The following FGF13 variants were observed in gnomAD, a reference collection of about 807,000 sequenced individuals.
FGF13 encodes fibroblast growth factor 13.
A neutral mutation model predicts 19.5 loss-of-function variants in FGF13; 2 were observed. The ratio of observed to expected loss-of-function variants is 0.10; its 90% CI spans 0.04 to 0.32. FGF13 has a LOEUF of 0.32. Among genes scored for constraint, FGF13 ranks in the 10% least tolerant of loss-of-function variants. The pLI is 1.00. For missense variants in FGF13, 113 were observed against 192.7 expected, an observed-to-expected ratio of 0.59 and a Z score of 2.45; for synonymous variants, 72 against 76.9, an observed-to-expected ratio of 0.94 and a Z score of 0.33.
At chrX:139,031,977 G>C (rs898059226) in intron 1 of FGF13, among the ~76,000 whole-genome samples, 4 of 111,194 alleles carry the variant, frequency 3.6e-5, no homozygotes, top group African/African-American at 6.5e-5. Flanking sequence ...AATAAGAACA[G>C]ACCAGGTGTC....
chrX:139,130,734 T>C (rs2083754150), intron 1 of FGF13, among the ~76,000 whole-genome samples: 1 of 112,198 alleles, frequency 8.9e-6, no homozygotes, highest in Non-Finnish European at 1.9e-5. Flanking sequence ...TTTTCTATTT[T>C]CATAGGGACT....
intron 3 of FGF13, among the ~76,000 whole-genome samples, chrX:138,685,336 T>C (rs1263762817): frequency 9.0e-6 from 1 of 111,320 alleles, no homozygotes; most frequent in African/African-American, 3.3e-5. Flanking sequence ...TATTGTATCT[T>C]GCAAGAAAGC....
At chrX:139,140,146 TG>T (rs765253118) in intron 1 of FGF13, among the ~76,000 whole-genome samples, 76 of 111,582 alleles carry the variant, frequency 6.8e-4, no homozygotes, top group African/African-American at 2.4e-3. Context: ...GTCAAACATC[TG>T]AAATCCAGAC....
rs140373587 is a variant in FGF13 at position 138,988,845 on chromosome X, G to C, written c.-112-124195C>G. Among the ~76,000 whole-genome samples the C allele has an allele frequency of 6.6e-3, 740 of 111,936 alleles. 26 individuals are homozygous for C. The highest frequency in any genetic ancestry group is 0.051 in the East Asian group (179 of 3,529). ...TTGCACCATTCTGAGCATGCTTGCT[G>C]GCATCTTCCTTATTGTGGCTCATCT... On this transcript the variant is annotated intron_variant, in intron 1 of 2. Coordinates refer to the FGF13 transcript ENST00000421460.
intron 1 of FGF13, among the ~76,000 whole-genome samples, chrX:139,140,366 C>T (rs746659913): frequency 9.0e-6 from 1 of 111,597 alleles, no homozygotes; most frequent in African/African-American, 3.3e-5. Context: ...TCCTGACATG[C>T]TACCCATCGG....
intron 3 of FGF13, among the ~76,000 whole-genome samples, chrX:138,770,493 C>A (rs1322081315): frequency 9.0e-6 from 1 of 111,162 alleles, no homozygotes; most frequent in Non-Finnish European, 1.9e-5. Context: ...TCATTTACAT[C>A]CTGCTTAAGT....
intron 1 of FGF13, among the ~76,000 whole-genome samples, chrX:139,013,483 A>T (rs1372824347): frequency 0.019 from 17 of 896 alleles, no homozygotes; most frequent in African/African-American, 0.03. Flanking sequence ...AAAATTTTAT[A>T]TATATATATA....
chrX:138,915,665 G>A (rs767757273), intron 1 of FGF13, among the ~76,000 whole-genome samples: 4 of 111,464 alleles, frequency 3.6e-5, no homozygotes, highest in Admixed American at 9.5e-5. Flanking sequence ...CAAGAGTTCA[G>A]GCTGACGGGT....
intron 1 of FGF13, among the ~76,000 whole-genome samples, chrX:139,024,031 C>A (rs887483739): frequency 9.0e-6 from 1 of 111,195 alleles, no homozygotes; most frequent in Non-Finnish European, 1.9e-5. Flanking sequence ...AATGTTTCTC[C>A]GGGCTTAAAG....
intron 3 of FGF13, among the ~76,000 whole-genome samples, chrX:138,766,953 C>A (rs1345784816): frequency 1.8e-5 from 2 of 112,074 alleles, no homozygotes; most frequent in Non-Finnish European, 3.8e-5. Flanking sequence ...TCTTTGTCAA[C>A]CTTGTCAACG....
chrX:138,897,246 G>GTGA (rs2091509095), intron 1 of FGF13, among the ~76,000 whole-genome samples: 1 of 111,621 alleles, frequency 9.0e-6, no homozygotes, highest in East Asian at 2.8e-4. Flanking sequence ...CTGGGCTCAA[G>GTGA]TGATCTGCCC....
chrX:138,737,867 A>G (rs979059606), intron 1 of FGF13, among the ~76,000 whole-genome samples: 15 of 112,589 alleles, frequency 1.3e-4, no homozygotes, highest in South Asian at 3.7e-4. Context: ...TGGAAGGTGA[A>G]AACTCTAACG....
upstream of FGF13, among the ~76,000 whole-genome samples, chrX:138,715,455 T>TC (rs1171649942): frequency 1.8e-5 from 2 of 112,891 alleles, no homozygotes; most frequent in African/African-American, 6.4e-5. Flanking sequence ...TCATCTATTT[T>TC]AACTGTTTTC....
At chrX:138,957,096 G>C (rs1418707316) in intron 1 of FGF13, among the ~76,000 whole-genome samples, 2 of 111,453 alleles carry the variant, frequency 1.8e-5, no homozygotes, top group Admixed American at 9.6e-5. Context: ...AAGGAAAAAA[G>C]AGCGAGAGAA....
chrX:138,689,071 T>C (rs2089813701), intron 3 of FGF13, among the ~76,000 whole-genome samples: 1 of 111,659 alleles, frequency 9.0e-6, no homozygotes. Context: ...TCTCACACTG[T>C]TGAACCCTGA....
At chrX:138,846,185 TTGTGTGTGTGTGTGTGTG>T (rs200911113) in intron 3 of FGF13, among the ~76,000 whole-genome samples, 2 of 96,626 alleles carry the variant, frequency 2.1e-5, no homozygotes, top group African/African-American at 7.4e-5. Flanking sequence ...ATGTGTCCAT[TTGTGTGTGTGTGTGTGTG>T]TGTGTGTGTG....
chrX:139,107,104 A>G (rs191422060), intron 1 of FGF13, among the ~76,000 whole-genome samples: 26 of 112,116 alleles, frequency 2.3e-4, no homozygotes, highest in Admixed American at 1.6e-3. Context: ...GGAGTACACA[A>G]TAAAGTAGGG....
chrX:139,029,392 A>G (rs756088549), intron 1 of FGF13, among the ~76,000 whole-genome samples: 1 of 111,820 alleles, frequency 8.9e-6, no homozygotes, highest in African/African-American at 3.2e-5. Context: ...CATATCTTCC[A>G]CCTGTTTTAC....
chrX:138,820,142 C>A (rs1296614249), intron 3 of FGF13, among the ~76,000 whole-genome samples: 1 of 111,934 alleles, frequency 8.9e-6, no homozygotes, highest in East Asian at 2.8e-4. Flanking sequence ...AACAAAAATT[C>A]TTTTATTTAA....
Sources: allele counts gnomAD v4.1 joint callset (sites outside exome capture counted in the v4.1 genomes callset), GRCh38; gene constraint gnomAD v4.1.1; transcripts MANE v1.5; gene names NCBI Gene and HGNC (gene_info 2026-07-23, HGNC 2026-07-21).